MACROD2: variants seen among roughly 807,000 people sequenced by gnomAD.
The protein encoded by MACROD2 is ADP-ribose glycohydrolase MACROD2.
MACROD2 carries 36 observed loss-of-function variants against 70.4 expected under a neutral mutation model. The observed-to-expected ratio is 0.51, with a 90% CI of 0.39 to 0.68. The LOEUF is 0.68. MACROD2 is among the 30% of genes least tolerant of loss of function. The probability of loss-of-function intolerance (pLI) is 0.00; values close to 1 mark genes in which losing one functional copy is unlikely to be tolerated. For synonymous variants in MACROD2, 172 were observed against 178.8 expected (o/e 0.96, Z 0.30); for missense variants, 496 against 538.4 (o/e 0.92, Z 0.78).
chr20:15,690,841 C>G (rs1365056747), intron 8 of MACROD2, among the ~76,000 whole-genome samples: 1 of 152,138 alleles, frequency 6.6e-6, no homozygotes, highest in African/African-American at 2.4e-5. Context: ...AATAACTCAT[C>G]CTAGTATTAC....
At chr20:15,399,943 C>A (rs1261477769) in intron 6 of MACROD2, among the ~76,000 whole-genome samples, 2 of 152,152 alleles carry the variant, frequency 1.3e-5, no homozygotes, top group East Asian at 3.8e-4. Context: ...TTGTTTCAAT[C>A]CCCTTTGCTG....
chr20:14,401,863 G>C (rs137889846), intron 3 of MACROD2, among the ~76,000 whole-genome samples: 1 of 152,084 alleles, frequency 6.6e-6, no homozygotes, highest in Admixed American at 6.5e-5. Context: ...CTATCATACT[G>C]ATCTTGTATG....
intron 12 of MACROD2, among the ~76,000 whole-genome samples, chr20:15,942,994 C>T (rs1008406699): frequency 1.3e-5 from 2 of 152,112 alleles, no homozygotes; most frequent in South Asian, 4.1e-4. Flanking sequence ...GTAAGTCATA[C>T]AATTGCTGTT....
intron 5 of MACROD2, among the ~76,000 whole-genome samples, chr20:14,847,229 A>G (rs1034852327): frequency 6.6e-6 from 1 of 152,158 alleles, no homozygotes; most frequent in African/African-American, 2.4e-5. Context: ...GTGAACTCTA[A>G]TGAGTTTAGG....
At chr20:14,590,563 T>C (rs1189569038) in intron 4 of MACROD2, among the ~76,000 whole-genome samples, 2 of 152,144 alleles carry the variant, frequency 1.3e-5, no homozygotes, top group Non-Finnish European at 2.9e-5. Context: ...GATTTATCCA[T>C]TTTGCATACT....
intron 5 of MACROD2, among the ~76,000 whole-genome samples, chr20:15,206,783 G>A (rs1421474930): frequency 8.4e-6 from 1 of 118,346 alleles, no homozygotes; most frequent in African/African-American, 3.4e-5. Context: ...AGGCCGGACT[G>A]CGGACTGCAG....
chr20:14,977,462 T>C (rs1600899326), intron 5 of MACROD2, among the ~76,000 whole-genome samples: 1 of 135,016 alleles, frequency 7.4e-6, no homozygotes, highest in Non-Finnish European at 1.6e-5. Context: ...AAGAAAAAGA[T>C]ACACACACAC....
intron 4 of MACROD2, among the ~76,000 whole-genome samples, chr20:14,624,735 C>G (rs1193607032): frequency 6.6e-6 from 1 of 152,182 alleles, no homozygotes; most frequent in Non-Finnish European, 1.5e-5. Context: ...GCACTTCTTC[C>G]TCTGCTCACA....
At chr20:15,477,879 A>G (rs1032245026) in intron 7 of MACROD2, among the ~76,000 whole-genome samples, 1 of 152,194 alleles carries the variant, frequency 6.6e-6, no homozygotes, top group Non-Finnish European at 1.5e-5. Context: ...AAGACAATGC[A>G]CCGTAACAGC....
At chr20:15,352,885 C>T (rs547934107) in intron 6 of MACROD2, among the ~76,000 whole-genome samples, 118 of 151,978 alleles carry the variant, frequency 7.8e-4, no homozygotes, top group African/African-American at 2.8e-3. Flanking sequence ...ATTCCATGCT[C>T]ATGGGTAGGA....
At chr20:15,672,174 T>C (rs1379339192) in intron 8 of MACROD2, among the ~76,000 whole-genome samples, 1 of 152,176 alleles carries the variant, frequency 6.6e-6, no homozygotes, top group Non-Finnish European at 1.5e-5. Context: ...ATGAATCGTC[T>C]CTGCACAGAT....
intron 3 of MACROD2, among the ~76,000 whole-genome samples, chr20:14,492,124 C>T (rs1361815616): frequency 6.6e-6 from 1 of 152,154 alleles, no homozygotes; most frequent in African/African-American, 2.4e-5. Flanking sequence ...CAGGGCAGGA[C>T]CTTAAGTTCT....
At position 15,811,241 on chromosome 20, in the gene MACROD2, G is replaced by GA. The variant is rs1457772881; in HGVS notation, c.646-51497dup. On this transcript the variant is annotated intron_variant, in intron 8 of 17. Coordinates refer to ENST00000684519, the MANE Select transcript of MACROD2 (RefSeq NM_001351661.2). Reference sequence around the variant, plus strand: ...ACAATGAACTCAAACAAATTTACAAGAAAAAAACAAACAACCCCATCAAAA... The same window carrying GA: ...ACAATGAACTCAAACAAATTTACAAGAAAAAAAACAAACAACCCCATCAAAA... Among the ~76,000 whole-genome samples, 26 of 151,344 alleles carry GA rather than the reference G, an allele frequency of 1.7e-4. No homozygotes were observed. In the East Asian group the frequency reaches 5.1e-3, roughly 29 times the overall value.
intron 3 of MACROD2, among the ~76,000 whole-genome samples, chr20:14,279,158 G>A (rs748501025): frequency 5.9e-5 from 9 of 152,172 alleles, no homozygotes; most frequent in Non-Finnish European, 8.8e-5. Flanking sequence ...TTATCACTGA[G>A]TAAGAAATAA....
At chr20:14,484,849 TGCTTAGG>T (rs1346494868) in intron 3 of MACROD2, among the ~76,000 whole-genome samples, 1 of 152,220 alleles carries the variant, frequency 6.6e-6, no homozygotes, top group African/African-American at 2.4e-5. Context: ...TGTTGATGGA[TGCTTAGG>T]TTGCTTCCAA....
chr20:15,293,434 C>G (rs2077558809), intron 6 of MACROD2, among the ~76,000 whole-genome samples: 1 of 152,124 alleles, frequency 6.6e-6, no homozygotes, highest in Non-Finnish European at 1.5e-5. Context: ...ATGTTCCAAT[C>G]CATATATAAC....
chr20:14,447,996 G>GTA (rs985859633), intron 3 of MACROD2, among the ~76,000 whole-genome samples: 3 of 151,038 alleles, frequency 2.0e-5, no homozygotes, highest in African/African-American at 4.9e-5. Flanking sequence ...GTGTGTGTGT[G>GTA]TGTGTGTGTG....
In MACROD2 at chr20:14,624,397, G is replaced by A. The variant is rs1984011259; in HGVS notation, c.302-60446G>A. Among the ~76,000 whole-genome samples the A allele has an allele frequency of 2.6e-5, 4 of 152,122 alleles. No individual in the cohort carries two copies. In the South Asian group the frequency reaches 8.3e-4, roughly 32 times the overall value. ...TGCTGTCAACTTTGATTGGGTTTTA[G>A]AATAGAAAAGAGCTGGATAGCAAGT... On this transcript the variant is annotated intron_variant, in intron 4 of 17. Transcript: ENST00000684519.
chr20:15,623,634 C>G (rs1035860678), intron 8 of MACROD2, among the ~76,000 whole-genome samples: 3 of 152,218 alleles, frequency 2.0e-5, no homozygotes, highest in African/African-American at 7.2e-5. Context: ...TCCAGTAAAA[C>G]CACAACTCAG....
Sources: gnomAD v4.1 joint callset for allele counts (sites outside exome capture counted in the v4.1 genomes callset) on GRCh38, gnomAD v4.1.1 for gene constraint, MANE v1.5 for transcripts, NCBI Gene and HGNC (gene_info 2026-07-23, HGNC 2026-07-21) for gene names.